ITGA11: variants seen among roughly 807,000 people sequenced by gnomAD.
ITGA11 encodes integrin alpha-11.
ITGA11 carries 97 observed loss-of-function variants against 141.9 expected under a neutral mutation model. The observed-to-expected ratio is 0.68, with a 90% CI of 0.58 to 0.81. The LOEUF is 0.81. ITGA11 is among the 30% of genes least tolerant of loss of function. The pLI is 0.00. For missense variants in ITGA11, 1,387 were observed against 1,559.2 expected (o/e 0.89, Z 1.86); for synonymous variants, 658 against 624.6 (o/e 1.05, Z -0.80).
chr15:68,420,680 T>C (rs1364996340), intron 1 of ITGA11, among the ~76,000 whole-genome samples: 1 of 152,214 alleles, frequency 6.6e-6, no homozygotes, highest in African/African-American at 2.4e-5. Flanking sequence ...GGGGAGATTT[T>C]AACTGATTGA....
chr15:68,379,039 G>A (rs768795880), intron 2 of ITGA11, among the ~76,000 whole-genome samples: 24 of 152,202 alleles, frequency 1.6e-4, no homozygotes, highest in African/African-American at 2.2e-4. Context: ...CTGACTATGC[G>A]GAATAAAAGT....
At chr15:68,397,771 TTAAAATATATTTAA>T (rs1183514908) in intron 2 of ITGA11, among the ~76,000 whole-genome samples, 4 of 77,160 alleles carry the variant, frequency 5.2e-5, no homozygotes, top group African/African-American at 1.6e-4. Flanking sequence ...AATATTATAT[TTAAAATATATTTAA>T]AATAATATAA....
intron 1 of ITGA11, among the ~76,000 whole-genome samples, chr15:68,417,959 T>A (rs1896925732): frequency 6.6e-6 from 1 of 152,202 alleles, no homozygotes; most frequent in Non-Finnish European, 1.5e-5. Flanking sequence ...TTGGACACTG[T>A]CTCCTCTCCC....
intron 1 of ITGA11, among the ~76,000 whole-genome samples, chr15:68,427,695 C>G (rs1193491616): frequency 6.6e-6 from 1 of 152,200 alleles, no homozygotes; most frequent in African/African-American, 2.4e-5. Flanking sequence ...TCCTCTCCTT[C>G]TCCTGTCAGT....
chr15:68,354,891 T>C (rs940274946), intron 7 of ITGA11, among the ~76,000 whole-genome samples: 2 of 152,192 alleles, frequency 1.3e-5, no homozygotes, highest in Non-Finnish European at 2.9e-5. Flanking sequence ...AAGAATAAAC[T>C]GAGTGAGGAC....
At chr15:68,331,309 T>G (rs1422758595) in intron 14 of ITGA11, among the ~76,000 whole-genome samples, 198 bp from the exon 15 acceptor site, 1 of 152,096 alleles carries the variant, frequency 6.6e-6, no homozygotes, top group Non-Finnish European at 1.5e-5. Flanking sequence ...TCTTTTGGAT[T>G]AAAATATCGT....
Position 68,313,809 on chromosome 15 carries a change from A to T in ITGA11, c.2852T>A (p.Leu951His). ...EDNVAPLRFHLKYEADVLFTR... is the reference protein window; with the variant it reads ...EDNVAPLRFHHKYEADVLFTR... ...GAAGAGGACGTCAGCCTCGTATTTG[A>T]GGTGGAAGCGTAAGGGGGCCACGTT... is the stretch of plus-strand genomic sequence containing the variant. The change falls in exon 23 of 30, where the codon CTC (leucine) becomes CAC (histidine). Residue 951 changes from leucine to histidine, a missense_variant. Coordinates refer to ENST00000315757, the MANE Select transcript of ITGA11 (RefSeq NM_001004439.2). 1 of 1,613,880 alleles carries T rather than the reference A, an allele frequency of 6.2e-7. No individual in the cohort carries two copies. Among genetic ancestry groups the T allele is most frequent in the African/African-American group, 1.3e-5 (1 of 75,012 alleles).
chr15:68,361,583 CACTT>C lies in ITGA11; in HGVS notation c.472+3_472+6del. ...CAGCTTGAGGTTGCAGATTTGAAGC[CACTT>C]ACTTTGGAGAGCTGGGGCCACGGTC... On this transcript the variant is annotated splice_donor_5th_base_variant and intron_variant, in intron 5 of 29. Transcript: ENST00000315757. 5 of 1,584,734 alleles carry C rather than the reference CACTT, an allele frequency of 3.2e-6. No homozygotes were observed. The highest frequency in any genetic ancestry group is 3.4e-6 in the Non-Finnish European group (4 of 1,161,938).
intron 11 of ITGA11, among the ~76,000 whole-genome samples, chr15:68,338,101 C>T (rs1238260135): frequency 6.6e-6 from 1 of 152,238 alleles, no homozygotes; most frequent in Non-Finnish European, 1.5e-5. Context: ...CCTCGAGGCA[C>T]CTGCACCTTG....
At chr15:68,350,956 T>C (rs1452010400) in intron 8 of ITGA11, among the ~76,000 whole-genome samples, 174 bp from the exon 9 acceptor site, 1 of 152,224 alleles carries the variant, frequency 6.6e-6, no homozygotes, top group African/African-American at 2.4e-5. Flanking sequence ...AGGGGCAAGA[T>C]AAAGCCCTTG....
chr15:68,323,668 G>A (rs554057236), intron 18 of ITGA11, among the ~76,000 whole-genome samples: 1 of 152,100 alleles, frequency 6.6e-6, no homozygotes, highest in African/African-American at 2.4e-5. Flanking sequence ...GGTGAGAAAG[G>A]GGTTTACCTG....
intron 12 of ITGA11, among the ~76,000 whole-genome samples, chr15:68,334,387 A>G (rs1049133499): frequency 6.6e-6 from 1 of 152,236 alleles, no homozygotes; most frequent in Non-Finnish European, 1.5e-5. Flanking sequence ...GCCCAAGGTC[A>G]GAAGGCCGGT....
intron 10 of ITGA11, among the ~76,000 whole-genome samples, chr15:68,347,409 A>G (rs1297810218): frequency 6.6e-6 from 1 of 152,246 alleles, no homozygotes; most frequent in Admixed American, 6.5e-5. Flanking sequence ...AATGAGGTGC[A>G]GGAATTTCCT....
intron 9 of ITGA11, among the ~76,000 whole-genome samples, chr15:68,349,690 GA>G (rs2140329665): frequency 6.6e-6 from 1 of 152,168 alleles, no homozygotes; most frequent in East Asian, 1.9e-4. Flanking sequence ...CCCAAAGCCC[GA>G]TATTGGAAGG....
chr15:68,402,965 G>T lies in ITGA11; in HGVS notation c.117C>A (p.Ala39=). Residue 39 remains alanine (A), a synonymous_variant, in exon 2 of 30, where the codon GCC becomes GCA. Transcript: ENST00000315757. ...KPRVIPGSRT[A]FFGYTVQQHD... ...GCTGCTGCACTGTGTAGCCAAAGAA[G>T]GCGGTCCTGGAGCCAGGGATGACCC... 1 of 1,613,864 alleles carries T rather than the reference G, an allele frequency of 6.2e-7. No homozygotes were observed. Among genetic ancestry groups the T allele is most frequent in the Non-Finnish European group, 8.5e-7 (1 of 1,179,838 alleles).
At chr15:68,384,360 G>A (rs1347443402) in intron 2 of ITGA11, among the ~76,000 whole-genome samples, 1 of 152,066 alleles carries the variant, frequency 6.6e-6, no homozygotes, top group East Asian at 1.9e-4. Context: ...GCTGTCTGCA[G>A]GCCACATCCT....
rs1424412381 is a variant in ITGA11, at chr15:68,297,310, T to C, written c.*5749A>G. On this transcript the variant is annotated 3_prime_UTR_variant, in exon 30 of 30. Coordinates refer to ENST00000315757, the MANE Select transcript of ITGA11 (RefSeq NM_001004439.2). ...GGGAGGTGGGAGTGGCTAACTTTTTTCATTATTACGTGTTTATTTTTCCAG... is the reference window on the plus strand; with the variant it reads ...GGGAGGTGGGAGTGGCTAACTTTTTCCATTATTACGTGTTTATTTTTCCAG... The C allele has an allele frequency of 6.6e-6, 1 of 152,160 alleles. No homozygotes were observed. The highest frequency in any genetic ancestry group is 2.4e-5 in the African/African-American group (1 of 41,438). 9.4% of individuals were successfully genotyped at this position (152,160 alleles called of 1,614,324 possible).
rs72745275 is a variant in ITGA11 at position 68,416,085 on chromosome 15, G to A, written c.53-13056C>T. ...GCCTGCCTCCCTCTCTTCTACTTCA[G>A]TCTTGTCATCTCATCAAAAGCCTTG... On this transcript the variant is annotated intron_variant, in intron 1 of 29. Transcript: ENST00000315757. Among the ~76,000 whole-genome samples, 1,265 of 152,252 alleles carry A rather than the reference G, an allele frequency of 8.3e-3. 7 individuals are homozygous for A. The highest frequency in any genetic ancestry group is 0.014 in the Middle Eastern group (4 of 294).
intron 2 of ITGA11, among the ~76,000 whole-genome samples, chr15:68,402,697 A>G (rs1343796099): frequency 6.6e-6 from 1 of 152,154 alleles, no homozygotes. Context: ...TTCCCATTTC[A>G]CAGATGAGAA....
Sources: gnomAD v4.1 joint callset for allele counts (sites outside exome capture counted in the v4.1 genomes callset) on GRCh38, gnomAD v4.1.1 for gene constraint, MANE v1.5 for transcripts, NCBI Gene and HGNC (gene_info 2026-07-23, HGNC 2026-07-21) for gene names.